The following HDAC9 variants were observed in gnomAD, a reference collection of about 807,000 sequenced individuals.
The protein encoded by HDAC9 is MEF-2 interacting transcription repressor (MITR) protein.
In HDAC9, 41 loss-of-function variants were observed where a neutral mutation model predicts 139.4. The observed-to-expected ratio is 0.29, with a 90% CI of 0.23 to 0.38. HDAC9 has a LOEUF of 0.38. Among genes scored for constraint, HDAC9 ranks in the 10% least tolerant of loss-of-function variants. The probability of loss-of-function intolerance (pLI) is 1.00; values close to 1 mark genes in which losing one functional copy is unlikely to be tolerated. For synonymous variants in HDAC9, 517 were observed against 476.2 expected, an observed-to-expected ratio of 1.09 and a Z score of -1.12; for missense variants, 1,147 against 1,297.0, an observed-to-expected ratio of 0.88 and a Z score of 1.78.
At chr7:18,689,580 A>T (rs1269310330) in intron 12 of HDAC9, among the ~76,000 whole-genome samples, 4 of 151,992 alleles carry the variant, frequency 2.6e-5, no homozygotes, top group African/African-American at 4.8e-5. Context: ...AGATTTTCAA[A>T]CTAAAGGTAA....
At chr7:18,991,035 G>C (rs372115171) in intron 25 of HDAC9, among the ~76,000 whole-genome samples, 6 of 152,350 alleles carry the variant, frequency 3.9e-5, no homozygotes, top group Admixed American at 3.3e-4. Flanking sequence ...GCTGTAGACC[G>C]GAGCTGTTCC....
chr7:18,328,439 T>G (rs1389436978), intron 1 of HDAC9, among the ~76,000 whole-genome samples: 1 of 151,894 alleles, frequency 6.6e-6, no homozygotes, highest in African/African-American at 2.4e-5. Context: ...AAATGCAAAT[T>G]TATTGGTTTA....
At chr7:18,808,700 C>T (rs1469569965) in intron 17 of HDAC9, among the ~76,000 whole-genome samples, 2 of 151,840 alleles carry the variant, frequency 1.3e-5, no homozygotes, top group Non-Finnish European at 2.9e-5. Context: ...GAAGAATTAA[C>T]ATTGGTAAAA....
intron 23 of HDAC9, among the ~76,000 whole-genome samples, chr7:18,944,288 G>A (rs558120483): frequency 6.6e-6 from 1 of 152,162 alleles, no homozygotes; most frequent in Non-Finnish European, 1.5e-5. Context: ...CTTTGACTCT[G>A]ACAACTGAAC....
At chr7:18,762,131 T>A (rs757362122) in intron 14 of HDAC9, 26 bp from the exon 15 acceptor site, 1 of 1,613,048 alleles carries the variant, frequency 6.2e-7, no homozygotes, top group East Asian at 2.2e-5. Flanking sequence ...AGTGGTGTAC[T>A]GTTGGCTTCT....
intron 22 of HDAC9, among the ~76,000 whole-genome samples, chr7:18,924,557 A>T (rs1250116687): frequency 6.6e-6 from 1 of 152,080 alleles, no homozygotes; most frequent in Non-Finnish European, 1.5e-5. Context: ...ATTCCAAGGA[A>T]TGTTTTTGGC....
chr7:18,793,505 G>A (rs941341742), intron 17 of HDAC9, 53 bp downstream of exon 17: 29 of 1,159,620 alleles, frequency 2.5e-5, no homozygotes, highest in Admixed American at 1.2e-4. Flanking sequence ...AACTGAAACA[G>A]AGATGTTGTT....
intron 11 of HDAC9, among the ~76,000 whole-genome samples, chr7:18,665,519 T>C (rs1462671735): frequency 6.6e-6 from 1 of 152,186 alleles, no homozygotes; most frequent in African/African-American, 2.4e-5. Flanking sequence ...ATAAAATGTC[T>C]AAATAATGAT....
chr7:18,500,191 A>G (rs992367460), intron 2 of HDAC9, among the ~76,000 whole-genome samples: 23 of 152,264 alleles, frequency 1.5e-4, no homozygotes, highest in African/African-American at 5.5e-4. Context: ...TAAGTAAGAA[A>G]ATCCAATAAA....
intron 12 of HDAC9, among the ~76,000 whole-genome samples, chr7:18,723,485 G>A (rs1021029808): frequency 6.6e-6 from 1 of 152,246 alleles, no homozygotes; most frequent in African/African-American, 2.4e-5. Context: ...AATAGATATT[G>A]GATGAACAGT....
In HDAC9 at chr7:18,374,193, A is replaced by ATG. The variant is rs978211289; in HGVS notation, c.-42+83684_-42+83685dup. On this transcript the variant is annotated intron_variant, in intron 1 of 3. Coordinates refer to the HDAC9 transcript ENST00000413509. ...ACATGCATAAATCTAGTGTGTATGT[A>ATG]TGTGTGTATATATATATATATATAT... 1.3e-4 allele frequency among the ~76,000 whole-genome samples: 19 copies of ATG among 141,222 alleles called. No individual in the cohort carries two copies. In the East Asian group the frequency reaches 1.5e-3, roughly 11 times the overall value. 92.6% of individuals were successfully genotyped at this position (141,222 alleles called of 152,430 possible). A position where few individuals can be genotyped will look rare whatever the true frequency, so the allele number is the denominator to read the frequency against.
At chr7:18,591,413 G>C in intron 4 of HDAC9, 103 bp from the exon 5 acceptor site, 1 of 1,377,808 alleles carries the variant, frequency 7.3e-7, no homozygotes, top group Non-Finnish European at 9.4e-7. Context: ...CTTAATCTTT[G>C]TCAAATATTC....
At chr7:18,904,760 A>G (rs749554348) in intron 22 of HDAC9, among the ~76,000 whole-genome samples, 11 of 151,680 alleles carry the variant, frequency 7.3e-5, no homozygotes, top group Non-Finnish European at 1.6e-4. Context: ...TATTTTTAGT[A>G]GAGACGAGGT....
chr7:18,406,398 A>C (rs192749384), intron 1 of HDAC9, among the ~76,000 whole-genome samples: 266 of 147,696 alleles, frequency 1.8e-3, no homozygotes, highest in Middle Eastern at 6.9e-3. Context: ...CTTTTTTTTT[A>C]TTTTTTTCTT....
At chr7:18,906,519 G>C (rs1802278586) in intron 22 of HDAC9, among the ~76,000 whole-genome samples, 1 of 152,172 alleles carries the variant, frequency 6.6e-6, no homozygotes, top group Admixed American at 6.5e-5. Flanking sequence ...ATTTTGAGTT[G>C]TTAAGATAAT....
chr7:18,766,433 A>G (rs1298928297), intron 15 of HDAC9, among the ~76,000 whole-genome samples: 34 of 152,192 alleles, frequency 2.2e-4, no homozygotes, highest in Admixed American at 2.2e-3. Context: ...TTGGGAATAT[A>G]TTTTTAAAGA....
rs561273567 is a variant in HDAC9 at position 18,764,033 on chromosome 7, A to G, written c.2164+1756A>G. Reference sequence around the variant, plus strand: ...AACATCAAACTTTTATTCATAAAACATGGCGATGTTTTTTTAAAAAATTTG... The same window carrying G: ...AACATCAAACTTTTATTCATAAAACGTGGCGATGTTTTTTTAAAAAATTTG... On this transcript the variant is annotated intron_variant, in intron 15 of 25. Transcript: ENST00000686413. Among the ~76,000 whole-genome samples the G allele has an allele frequency of 1.1e-3, 165 of 152,280 alleles. 1 individual carries two copies. Among genetic ancestry groups the G allele is most frequent in the Non-Finnish European group, 1.9e-3 (126 of 67,980 alleles).
At chr7:18,226,981 G>A (rs2567209) in intron 2 of HDAC9, among the ~76,000 whole-genome samples, 108,711 of 152,076 alleles carry the variant, frequency 0.71, 39,022 homozygotes, top group South Asian at 0.85. Flanking sequence ...CTAGAGAGAG[G>A]AAGATCTATT....
chr7:18,957,211 A>G (rs1356114271), intron 24 of HDAC9, among the ~76,000 whole-genome samples: 1 of 152,120 alleles, frequency 6.6e-6, no homozygotes, highest in African/African-American at 2.4e-5. Flanking sequence ...GTGTTTCAGC[A>G]CTGTGGCTTT....
Sources: allele counts gnomAD v4.1 joint callset (sites outside exome capture counted in the v4.1 genomes callset), GRCh38; gene constraint gnomAD v4.1.1; transcripts MANE v1.5; gene names NCBI Gene and HGNC (gene_info 2026-07-23, HGNC 2026-07-21).